The following TRANK1 variants were observed in gnomAD, a reference collection of about 807,000 sequenced individuals.
The protein encoded by TRANK1 is tetratricopeptide repeat and ankyrin repeat containing 1.
A neutral mutation model predicts 266.0 loss-of-function variants in TRANK1; 198 were observed. The observed-to-expected ratio is 0.74, with a 90% confidence interval of 0.66 to 0.84. The LOEUF is 0.84. Among genes scored for constraint, TRANK1 ranks in the 40% least tolerant of loss-of-function variants. TRANK1 has a pLI of 0.00. For missense variants in TRANK1, 3,326 were observed against 3,634.6 expected, an observed-to-expected ratio of 0.92 and a Z score of 2.18; for synonymous variants, 1,396 against 1,384.1, an observed-to-expected ratio of 1.01 and a Z score of -0.19.
At chr3:36,885,113 A>C (rs1284469732) in intron 8 of TRANK1, among the ~76,000 whole-genome samples, 3 of 152,160 alleles carry the variant, frequency 2.0e-5, no homozygotes, top group Admixed American at 2.0e-4. Flanking sequence ...TATCCCCTCC[A>C]AGATACTCAT....
chr3:36,918,468 GAAGAAAGAAAGA>G (rs148120910), intron 1 of TRANK1, among the ~76,000 whole-genome samples: 433 of 31,154 alleles, frequency 0.014, 36 homozygotes, highest in Middle Eastern at 0.034. Context: ...AGAAAGAAAA[GAAGAAAGAAAGA>G]AAGAAAGAAA....
At position 36,856,230 on chromosome 3, in the gene TRANK1, T is replaced by C; in HGVS notation, c.3492A>G (p.Gly1164=). 1 of 1,613,682 alleles carries C rather than the reference T, an allele frequency of 6.2e-7. No homozygotes were observed. Among genetic ancestry groups the C allele is most frequent in the South Asian group, 1.1e-5 (1 of 91,058 alleles). ...CGTCCCCTGCTGGCTCCACACCGGCTCCTCCTGCGCAGGCTTCATACTCCT... is the reference window on the plus strand; with the variant it reads ...CGTCCCCTGCTGGCTCCACACCGGCCCCTCCTGCGCAGGCTTCATACTCCT... The part of the protein sequence containing the change: ...DEQEYEACAG[G]AGVEPAGDGQ... Residue 1164 remains glycine (G), a synonymous_variant, in exon 13 of 24, where the codon GGA becomes GGG. Coordinates refer to ENST00000645898, the MANE Select transcript of TRANK1 (RefSeq NM_001329998.2).
In TRANK1 at chr3:36,855,392, G is replaced by A. The variant is rs1434311093; in HGVS notation, c.4330C>T (p.Gln1444Ter). 6.2e-7 allele frequency: 1 copy of A among 1,614,066 alleles called. No homozygotes were observed. Among genetic ancestry groups the A allele is most frequent in the Non-Finnish European group, 8.5e-7 (1 of 1,179,908 alleles). Residue 1444 changes from glutamine (Q) to a stop codon, truncating the protein, a stop_gained, in exon 13 of 24, where the codon CAG becomes TAG. Coordinates refer to ENST00000645898, the MANE Select transcript of TRANK1 (RefSeq NM_001329998.2). LOFTEE classifies it high-confidence loss of function. ...TTCATCAGCAGCGCCAGCTCGGCCT[G>A]GGTAAAGTCTTGAATCTCATCACCA... ...LYGDEIQDFT[Q>*]AELALLMKCI...
At chr3:36,912,556 A>T (rs2080066906) in intron 1 of TRANK1, among the ~76,000 whole-genome samples, 1 of 152,224 alleles carries the variant, frequency 6.6e-6, no homozygotes, top group African/African-American at 2.4e-5. Context: ...TGAGAATTCA[A>T]ACTCTAGTTG....
chr3:36,863,243 A>T (rs900787142), intron 10 of TRANK1, among the ~76,000 whole-genome samples: 2 of 152,218 alleles, frequency 1.3e-5, no homozygotes, highest in African/African-American at 4.8e-5. Context: ...GCCATAAGAC[A>T]CAAAGGACAT....
intron 1 of TRANK1, among the ~76,000 whole-genome samples, chr3:36,933,012 A>C (rs1407973435): frequency 6.6e-6 from 1 of 152,090 alleles, no homozygotes; most frequent in African/African-American, 2.4e-5. Flanking sequence ...AGTACCCCCA[A>C]ACCCCTTTTT....
rs186687078 is a variant in TRANK1, at chr3:36,827,551, C to G, written c.*724G>C. On this transcript the variant is annotated 3_prime_UTR_variant, in exon 24 of 24. Coordinates refer to ENST00000645898, the MANE Select transcript of TRANK1 (RefSeq NM_001329998.2). ...GAATGCTCCCAGCAACATTCCCCAG[C>G]CTTTCCCCCTAGGGAAGGGACATCC... 2 of 152,268 alleles carry G rather than the reference C, an allele frequency of 1.3e-5. No homozygotes were observed. Among genetic ancestry groups the G allele is most frequent in the Non-Finnish European group, 2.9e-5 (2 of 68,062 alleles). The allele number at this position is 152,268 out of a possible 1,614,324, so 9.4% of individuals were successfully genotyped here.
At chr3:36,851,586 G>A (rs572252438) in intron 15 of TRANK1, 133 bp downstream of exon 15, 4 of 1,269,440 alleles carry the variant, frequency 3.2e-6, no homozygotes, top group Non-Finnish European at 4.3e-6. Context: ...CATACTGAAT[G>A]AATGATGCTC....
intron 10 of TRANK1, among the ~76,000 whole-genome samples, chr3:36,861,611 G>A (rs2079143291): frequency 6.6e-6 from 1 of 151,574 alleles, no homozygotes; most frequent in African/African-American, 2.4e-5. Context: ...TTTTTATCAT[G>A]ATAAATAAAT....
At chr3:36,910,935 T>A (rs1026482729) in intron 1 of TRANK1, among the ~76,000 whole-genome samples, 12 of 151,634 alleles carry the variant, frequency 7.9e-5, no homozygotes, top group African/African-American at 2.7e-4. Context: ...CCAGGCATAG[T>A]GGTGAGCACC....
At chr3:36,945,075 G>C (rs891645097), upstream of TRANK1, 10 of 437,736 alleles carry the variant, frequency 2.3e-5, no homozygotes, top group African/African-American at 1.5e-4. Context: ...GTAGTTGCGA[G>C]AGCCCAAAAA....
rs770763404 is a variant in TRANK1 at position 36,857,265 on chromosome 3, C to T, written c.2457G>A (p.Thr819=). ...EGNDDQDDWS[T]QEIEACLQDF... The stretch of plus-strand genomic sequence containing the variant: ...CCTGGAGGCAGGCCTCAATCTCCTG[C>T]GTGCTCCAGTCATCCTGATCATCAT... Residue 819 remains threonine (T), a synonymous_variant, in exon 13 of 24, where the codon ACG becomes ACA. Coordinates refer to ENST00000645898, the MANE Select transcript of TRANK1 (RefSeq NM_001329998.2). The surrounding 1 kb of genome is among the most constrained non-coding windows in gnomAD (Gnocchi z 4.3). 20 of 1,610,670 alleles carry T rather than the reference C, an allele frequency of 1.2e-5. No individual in the cohort carries two copies. The highest frequency in any genetic ancestry group is 8.9e-5 in the East Asian group (4 of 44,886).
At chr3:36,910,497 T>C (rs1335727718) in intron 1 of TRANK1, among the ~76,000 whole-genome samples, 1 of 152,160 alleles carries the variant, frequency 6.6e-6, no homozygotes, top group East Asian at 1.9e-4. Context: ...CCCAGCACTT[T>C]GGGAGGCTGA....
chr3:36,879,348 A>G (rs1012928256), intron 8 of TRANK1, among the ~76,000 whole-genome samples: 4 of 151,634 alleles, frequency 2.6e-5, no homozygotes, highest in African/African-American at 9.7e-5. Context: ...AATGCTCTTT[A>G]CTGATAAAGG....
At chr3:36,870,962 T>TAAA (rs563787088) in intron 9 of TRANK1, among the ~76,000 whole-genome samples, 5 of 65,094 alleles carry the variant, frequency 7.7e-5, no homozygotes, top group Non-Finnish European at 1.2e-4. Flanking sequence ...ACAAGGAAAC[T>TAAA]AAAAAAAAAA....
chr3:36,863,655 G>C (rs1236336559), intron 10 of TRANK1, among the ~76,000 whole-genome samples: 3 of 152,182 alleles, frequency 2.0e-5, no homozygotes, highest in Non-Finnish European at 2.9e-5. Flanking sequence ...CAAGGCAAGG[G>C]GATGAAGAAA....
At chr3:36,835,133 A>C (rs2078750755) in intron 20 of TRANK1, among the ~76,000 whole-genome samples, 2 of 151,322 alleles carry the variant, frequency 1.3e-5, no homozygotes, top group South Asian at 4.2e-4. Context: ...TCCCGGCTAA[A>C]ACGGTGAAAC....
chr3:36,884,104 G>C (rs143992835), intron 8 of TRANK1, among the ~76,000 whole-genome samples: 61 of 152,228 alleles, frequency 4.0e-4, no homozygotes, highest in Admixed American at 1.4e-3. Flanking sequence ...CAAATAAAAA[G>C]GGCTGAATGA....
chr3:36,920,562 C>A (rs1218515234), intron 1 of TRANK1, among the ~76,000 whole-genome samples: 1 of 152,188 alleles, frequency 6.6e-6, no homozygotes, highest in Admixed American at 6.5e-5. Context: ...TCTGGATAAG[C>A]TTCTAGAAGA....
Sources: allele counts gnomAD v4.1 joint callset (sites outside exome capture counted in the v4.1 genomes callset), GRCh38; gene constraint gnomAD v4.1.1; non-coding constraint Gnocchi (gnomAD v3.1); transcripts MANE v1.5; gene names NCBI Gene and HGNC (gene_info 2026-07-23, HGNC 2026-07-21).